CPVL: variants seen among roughly 807,000 people sequenced by gnomAD.
The protein encoded by CPVL is probable serine carboxypeptidase CPVL.
A neutral mutation model predicts 63.7 loss-of-function variants in CPVL; 51 were observed. That is an observed-to-expected ratio of 0.80 (90% CI 0.64 to 1.01). The LOEUF (loss-of-function observed/expected upper bound fraction) is 1.01. CPVL is among the 50% of genes least tolerant of loss of function. CPVL has a pLI of 0.00. For synonymous variants in CPVL, 195 were observed against 206.0 expected (o/e 0.95, Z 0.46); for missense variants, 530 against 573.1 (o/e 0.92, Z 0.77).
intron 12 of CPVL, among the ~76,000 whole-genome samples, chr7:28,999,081 G>C (rs906333832): frequency 6.6e-6 from 1 of 151,764 alleles, no homozygotes; most frequent in African/African-American, 2.4e-5. Flanking sequence ...GCATGGTGAT[G>C]CACGCCTGTA....
intron 3 of CPVL, among the ~76,000 whole-genome samples, chr7:29,101,785 T>G (rs963785603): frequency 6.6e-6 from 1 of 152,006 alleles, no homozygotes; most frequent in African/African-American, 2.4e-5. Flanking sequence ...TTCTCTATGG[T>G]CCTCCTCTAC....
chr7:29,066,352 G>A (rs1783137516), intron 9 of CPVL, among the ~76,000 whole-genome samples: 1 of 152,170 alleles, frequency 6.6e-6, no homozygotes, highest in South Asian at 2.1e-4. Flanking sequence ...TTATTCTGGT[G>A]GGGGACAACA....
chr7:29,182,382 C>T, intron 4 of CPVL, among the ~76,000 whole-genome samples: 1 of 149,902 alleles, frequency 6.7e-6, no homozygotes, highest in Non-Finnish European at 1.5e-5. Flanking sequence ...AAAAGCTCCT[C>T]ATTGTGATAT....
At chr7:29,147,149 C>A, upstream of CPVL, 1 of 757,432 alleles carries the variant, frequency 1.3e-6, no homozygotes. Flanking sequence ...ATATTATTAG[C>A]CACCACCAGG....
upstream of CPVL, chr7:29,148,425 C>A (rs915273942): frequency 1.3e-5 from 2 of 152,168 alleles, no homozygotes; most frequent in Admixed American, 6.5e-5. Context: ...TATAAGAACA[C>A]CATTTGAAAG....
At position 29,146,449 on chromosome 7, in the gene CPVL, C is replaced by T; in HGVS notation, c.-31G>A. On this transcript the variant is annotated 5_prime_UTR_variant, in exon 1 of 13. Coordinates refer to ENST00000265394, the MANE Select transcript of CPVL (RefSeq NM_031311.5). Reference sequence around the variant, plus strand: ...CTTACGCGGCGCAGTCGGTGCTCCTCCCTGAGCCGCGGCGCGCAAGGACCC... The same window carrying T: ...CTTACGCGGCGCAGTCGGTGCTCCTTCCTGAGCCGCGGCGCGCAAGGACCC... 7.4e-7 allele frequency: 1 copy of T among 1,346,826 alleles called. No individual in the cohort carries two copies. Among genetic ancestry groups the T allele is most frequent in the Non-Finnish European group, 9.9e-7 (1 of 1,013,472 alleles). The allele number at this position is 1,346,826 out of a possible 1,614,324, so 83.4% of individuals were successfully genotyped here. A position where few individuals can be genotyped will look rare whatever the true frequency, so the allele number is the denominator to read the frequency against.
chr7:29,026,372 A>G (rs933739964), intron 12 of CPVL, among the ~76,000 whole-genome samples: 1 of 152,138 alleles, frequency 6.6e-6, no homozygotes, highest in South Asian at 2.1e-4. Flanking sequence ...AAAAGTAGAA[A>G]GTGTTTAAAT....
intron 4 of CPVL, among the ~76,000 whole-genome samples, chr7:29,184,183 A>AG (rs1798421981): frequency 6.6e-6 from 1 of 151,362 alleles, no homozygotes; most frequent in Admixed American, 6.6e-5. Flanking sequence ...ATAGATAGAT[A>AG]GATAGATAGA....
At chr7:29,190,009 C>G (rs901230540) in intron 1 of CPVL, among the ~76,000 whole-genome samples, 1 of 152,220 alleles carries the variant, frequency 6.6e-6, no homozygotes, top group Non-Finnish European at 1.5e-5. Flanking sequence ...CCGCTACCTG[C>G]GGCGTCTGAG....
At chr7:29,120,639 T>C (rs771311862) in intron 2 of CPVL, among the ~76,000 whole-genome samples, 2 of 151,660 alleles carry the variant, frequency 1.3e-5, no homozygotes, top group Admixed American at 6.6e-5. Context: ...CTGGCCAACA[T>C]GGTGAAACCC....
chr7:29,117,091 G>C (rs1474104626), intron 2 of CPVL, among the ~76,000 whole-genome samples: 1 of 152,156 alleles, frequency 6.6e-6, no homozygotes, highest in Non-Finnish European at 1.5e-5. Context: ...ACCAGATTTT[G>C]AATCAGCCAC....
At chr7:29,194,898 C>T in intron 1 of CPVL, 2 of 1,449,686 alleles carry the variant, frequency 1.4e-6, no homozygotes, top group Non-Finnish European at 1.8e-6. Flanking sequence ...GCGGCGGCGT[C>T]CGCACCGGGG....
chr7:29,136,430 T>C (rs889516714), intron 1 of CPVL, among the ~76,000 whole-genome samples: 13 of 152,224 alleles, frequency 8.5e-5, no homozygotes, highest in Non-Finnish European at 1.9e-4. Context: ...GAGAAAATTA[T>C]ATCACCATTT....
At chr7:29,194,055 GCT>G (rs1783241973) in intron 1 of CPVL, 1 of 152,282 alleles carries the variant, frequency 6.6e-6, no homozygotes, top group African/African-American at 2.4e-5. Flanking sequence ...CTCCATAGTG[GCT>G]CTGTCATCCC....
chr7:29,184,703 T>C (rs1319845260), intron 3 of CPVL, among the ~76,000 whole-genome samples: 2 of 152,208 alleles, frequency 1.3e-5, no homozygotes, highest in African/African-American at 2.4e-5. Context: ...TGTTACTCAG[T>C]GTTCTGATTT....
chr7:29,043,378 A>T (rs1272484595), intron 11 of CPVL, among the ~76,000 whole-genome samples: 1 of 152,034 alleles, frequency 6.6e-6, no homozygotes, highest in Non-Finnish European at 1.5e-5. Context: ...TTACCTTGCA[A>T]TTAGGTTTTT....
chr7:29,052,099 A>G (rs1421690246), intron 11 of CPVL, among the ~76,000 whole-genome samples: 1 of 151,970 alleles, frequency 6.6e-6, no homozygotes, highest in African/African-American at 2.4e-5. Context: ...GAACTAAGCT[A>G]TGAGGACGCA....
At chr7:29,123,464 C>T (rs1460512330) in intron 1 of CPVL, among the ~76,000 whole-genome samples, 1 of 151,308 alleles carries the variant, frequency 6.6e-6, no homozygotes, top group African/African-American at 2.4e-5. Context: ...CAAGAAGCCC[C>T]AGGGTAATGA....
intron 3 of CPVL, chr7:29,185,395 T>C (rs1798586568): frequency 6.6e-6 from 1 of 152,238 alleles, no homozygotes; most frequent in African/African-American, 2.4e-5. Context: ...GATTTTATTC[T>C]ATTTTCTCAT....
Sources: gnomAD v4.1 joint callset for allele counts (sites outside exome capture counted in the v4.1 genomes callset) on GRCh38, gnomAD v4.1.1 for gene constraint, MANE v1.5 for transcripts, NCBI Gene and HGNC (gene_info 2026-07-23, HGNC 2026-07-21) for gene names.